CCDC88C: variants seen among roughly 807,000 people sequenced by gnomAD.
CCDC88C encodes protein Daple.
Under a neutral mutation model 198.8 loss-of-function variants are expected in CCDC88C, and 131 were observed. The ratio of observed to expected loss-of-function variants is 0.66; its 90% confidence interval spans 0.57 to 0.76. The LOEUF (loss-of-function observed/expected upper bound fraction) is 0.76. CCDC88C is among the 30% of genes least tolerant of loss of function. The pLI is 0.00. For missense variants in CCDC88C, 2,553 were observed against 2,631.6 expected (o/e 0.97, Z 0.65); for synonymous variants, 1,166 against 1,114.7 (o/e 1.05, Z -0.92).
In CCDC88C at chr14:91,346,009, T is replaced by A. The variant is rs74420558; in HGVS notation, c.341-2352A>T. 0.01 allele frequency among the ~76,000 whole-genome samples: 1,583 copies of A among 152,308 alleles called. 76 individuals are homozygous for A. The East Asian group carries it at 0.16, about 16-fold the overall frequency. ...AGAAAGGACATGCCAGAAATAGCTT[T>A]CTTCTCTTAAAAGACTTAACCAACT... On this transcript the variant is annotated intron_variant, in intron 4 of 29. Transcript: ENST00000389857.
intron 12 of CCDC88C, among the ~76,000 whole-genome samples, chr14:91,324,120 T>TG: frequency 6.6e-6 from 1 of 152,372 alleles, no homozygotes; most frequent in Non-Finnish European, 1.5e-5. Context: ...ACACAGGAAC[T>TG]GGCTCATTGT....
Position 91,416,841 on chromosome 14 carries a change from G to A in CCDC88C, c.61-3C>T, listed in dbSNP as rs1349298507. ...CCAAACGGGCCAAAAGTTTTCACCT[G>A]CGGGGAGGGGGACGAGGAGAGAAAG... On this transcript the variant is annotated splice_region_variant and splice_polypyrimidine_tract_variant and intron_variant, in intron 1 of 29. Transcript: ENST00000389857. 6.2e-7 allele frequency: 1 copy of A among 1,606,414 alleles called. No homozygotes were observed. The highest frequency in any genetic ancestry group is 8.5e-7 in the Non-Finnish European group (1 of 1,174,184).
At chr14:91,309,210 A>G (rs1023008057) in intron 16 of CCDC88C, among the ~76,000 whole-genome samples, 1 of 152,198 alleles carries the variant, frequency 6.6e-6, no homozygotes, top group Non-Finnish European at 1.5e-5. Context: ...TCCTGCCTGG[A>G]TGACAGAGTG....
chr14:91,326,077 T>C, intron 10 of CCDC88C, 21 bp from the exon 11 acceptor site: 1 of 1,603,476 alleles, frequency 6.2e-7, no homozygotes, highest in Non-Finnish European at 8.5e-7. Context: ...AAAACATACA[T>C]GAGAACCATC....
At position 91,284,531 on chromosome 14, in the gene CCDC88C, G is replaced by A; in HGVS notation, c.4442-1014C>T. Among the ~76,000 whole-genome samples the A allele has an allele frequency of 6.6e-6, 1 of 152,200 alleles. No individual in the cohort carries two copies. Among genetic ancestry groups the A allele is most frequent in the East Asian group, 1.9e-4 (1 of 5,200 alleles). On this transcript the variant is annotated intron_variant, in intron 25 of 29. Coordinates refer to ENST00000389857, the MANE Select transcript of CCDC88C (RefSeq NM_001080414.4). The surrounding 1 kb of genome is among the most constrained non-coding windows in gnomAD (Gnocchi z 4.1). ...GCTAAAATGAGGATCCACAGGGGAGGCAGAGATGAGTGAACAGTTAGCATG... is the reference window on the plus strand; with the variant it reads ...GCTAAAATGAGGATCCACAGGGGAGACAGAGATGAGTGAACAGTTAGCATG...
intron 2 of CCDC88C, among the ~76,000 whole-genome samples, chr14:91,415,404 C>T (rs114126906): frequency 0.011 from 1,704 of 151,442 alleles, 32 homozygotes; most frequent in African/African-American, 0.04. Context: ...AACCATTAAA[C>T]AGCATGACAT....
intron 3 of CCDC88C, among the ~76,000 whole-genome samples, chr14:91,372,820 C>T (rs145474867): frequency 2.0e-5 from 3 of 152,200 alleles, no homozygotes; most frequent in African/African-American, 7.2e-5. Flanking sequence ...GCCAGAAAGG[C>T]AGGTGGCCGG....
chr14:91,407,083 G>GC (rs150767119), intron 3 of CCDC88C, among the ~76,000 whole-genome samples: 10,050 of 151,722 alleles, frequency 0.066, 501 homozygotes, highest in Admixed American at 0.13. Flanking sequence ...AACTACGCCA[G>GC]CCCCCCCCAC....
At chr14:91,320,066 G>T (rs2139818817) in intron 13 of CCDC88C, among the ~76,000 whole-genome samples, 1 of 149,266 alleles carries the variant, frequency 6.7e-6, no homozygotes, top group East Asian at 2.0e-4. Flanking sequence ...ATGTGTGTTT[G>T]GTTGTTGCTA....
Position 91,307,053 on chromosome 14 carries a change from G to A in CCDC88C, c.3180C>T (p.Ile1060=), listed in dbSNP as rs187756622. Residue 1060 remains isoleucine, a synonymous_variant, in exon 18 of 30, where the codon ATC becomes ATT. Transcript: ENST00000389857. ...MELLRVKDRA[I]ELERNNAALQ... ...GCCCACTCACATTCCGCTCCAGCTC[G>A]ATGGCCCGGTCCTTCACTCGGAGAA... 40 of 1,612,158 alleles carry A rather than the reference G, an allele frequency of 2.5e-5. No individual in the cohort carries two copies. In the East Asian group the frequency reaches 4.5e-4, roughly 18 times the overall value.
chr14:91,402,759 T>G (rs781134073), intron 3 of CCDC88C, among the ~76,000 whole-genome samples: 21 of 152,366 alleles, frequency 1.4e-4, no homozygotes, highest in Middle Eastern at 3.4e-3. Flanking sequence ...ATGTTCATAT[T>G]TATTTTGAAC....
chr14:91,410,471 C>T (rs919260580), intron 2 of CCDC88C, among the ~76,000 whole-genome samples: 2 of 152,078 alleles, frequency 1.3e-5, no homozygotes, highest in East Asian at 1.9e-4. Flanking sequence ...AAATCGAAAA[C>T]GTTTCAAATG....
chr14:91,273,735 C>T lies in CCDC88C; in HGVS notation c.5059-82G>A, dbSNP rs769800189. ...AGCCGCCTCCTGCGCGGGACGCCCC[C>T]GAGCAGCCCACGTGGCTGGGACCGC... On this transcript the variant is annotated intron_variant, in intron 29 of 29. Transcript: ENST00000389857. This position sits in a 1 kb window ranked among gnomAD's most constrained non-coding sequence, Gnocchi z 5.6. 26 of 1,260,340 alleles carry T rather than the reference C, an allele frequency of 2.1e-5. No homozygotes were observed. Among genetic ancestry groups the T allele is most frequent in the Admixed American group, 2.9e-5 (1 of 34,424 alleles). The allele number at this position is 1,260,340 out of a possible 1,614,324, so 78.1% of individuals were successfully genotyped here.
chr14:91,395,697 C>T (rs1324162042), intron 3 of CCDC88C, among the ~76,000 whole-genome samples: 2 of 152,148 alleles, frequency 1.3e-5, no homozygotes, highest in Admixed American at 6.5e-5. Context: ...CACCAGCCCC[C>T]AGGCCAGGAT....
At position 91,329,812 on chromosome 14, in the gene CCDC88C, A is replaced by C. The variant is rs189151665; in HGVS notation, c.1051-3756T>G. Among the ~76,000 whole-genome samples, 353 of 152,348 alleles carry C rather than the reference A, an allele frequency of 2.3e-3. 1 individual carries two copies. The highest frequency in any genetic ancestry group is 8.1e-3 in the African/African-American group (337 of 41,584). ...GACATCATTCCCAGCAGGTGGGGAA[A>C]GCTCCACAGATACACAAGGTCGTTA... is the stretch of plus-strand genomic sequence containing the variant. On this transcript the variant is annotated intron_variant, in intron 10 of 29. Transcript: ENST00000389857.
chr14:91,346,997 C>T (rs1385393830), intron 4 of CCDC88C, among the ~76,000 whole-genome samples: 1 of 152,186 alleles, frequency 6.6e-6, no homozygotes, highest in Non-Finnish European at 1.5e-5. Context: ...AGTCACCCAC[C>T]TCCCCCTTTC....
chr14:91,385,328 G>A (rs951116732), intron 3 of CCDC88C, among the ~76,000 whole-genome samples: 1 of 152,064 alleles, frequency 6.6e-6, no homozygotes. Context: ...CACAAGAAAC[G>A]CCCTCATGGC....
chr14:91,387,653 C>T (rs1334042290), intron 3 of CCDC88C, among the ~76,000 whole-genome samples: 1 of 152,184 alleles, frequency 6.6e-6, no homozygotes, highest in Non-Finnish European at 1.5e-5. Context: ...ACAAGAAGTG[C>T]ACGGGCCAGC....
At chr14:91,333,826 G>C (rs1892936463) in intron 10 of CCDC88C, among the ~76,000 whole-genome samples, 1 of 152,192 alleles carries the variant, frequency 6.6e-6, no homozygotes, top group African/African-American at 2.4e-5. Context: ...GGTAGACACA[G>C]ACCGCATCTT....
Sources: gnomAD v4.1 joint callset for allele counts (sites outside exome capture counted in the v4.1 genomes callset) on GRCh38, gnomAD v4.1.1 for gene constraint, Gnocchi (gnomAD v3.1) non-coding constraint, MANE v1.5 for transcripts, NCBI Gene and HGNC (gene_info 2026-07-23, HGNC 2026-07-21) for gene names.